The following SNED1 variants were observed in gnomAD, a reference collection of about 807,000 sequenced individuals.
SNED1 encodes the protein sushi, nidogen and EGF like domains 1.
Under a neutral mutation model 166.7 loss-of-function variants are expected in SNED1, and 81 were observed. The observed-to-expected ratio is 0.49, with a 90% confidence interval of 0.41 to 0.58. SNED1 has a LOEUF of 0.58. SNED1 is among the 20% of genes least tolerant of loss of function. The pLI is 0.00. For missense variants in SNED1, 1,604 were observed against 2,000.2 expected, an observed-to-expected ratio of 0.80 and a Z score of 3.78; for synonymous variants, 762 against 822.0, an observed-to-expected ratio of 0.93 and a Z score of 1.25.
At chr2:241,070,327 TAGC>T (rs1000703189) in intron 24 of SNED1, 126 bp downstream of exon 24, 1 of 1,022,014 alleles carries the variant, frequency 9.8e-7, no homozygotes, top group African/African-American at 1.6e-5. Context: ...AGGACCGTGT[TAGC>T]AGGGGAGGAG....
chr2:241,025,661 G>A (rs2060937686), intron 1 of SNED1, among the ~76,000 whole-genome samples: 1 of 152,064 alleles, frequency 6.6e-6, no homozygotes, highest in Admixed American at 6.5e-5. Flanking sequence ...CTCTTTTAGT[G>A]TGGGTCTGCT....
chr2:241,037,226 G>T lies in SNED1; in HGVS notation c.932-14G>T. On this transcript the variant is annotated splice_polypyrimidine_tract_variant and intron_variant, in intron 5 of 31. Coordinates refer to ENST00000310397, the MANE Select transcript of SNED1 (RefSeq NM_001080437.3). ...GTTCCCGCCGCTGAGGCCTCAGCCT[G>T]CCCCATGTTTCAGACGTGAACGAAT... 3.1e-6 allele frequency: 5 copies of T among 1,595,320 alleles called. No homozygotes were observed. The highest frequency in any genetic ancestry group is 4.3e-6 in the Non-Finnish European group (5 of 1,168,868).
At chr2:241,072,689 G>C (rs2062792392) in intron 26 of SNED1, 1 of 202,502 alleles carries the variant, frequency 4.9e-6, no homozygotes, top group Admixed American at 5.3e-5. Flanking sequence ...GGTGTCTGAG[G>C]AGAGGGCAGG....
At chr2:241,057,380 A>AATAAATATATATATATATAT in intron 16 of SNED1, among the ~76,000 whole-genome samples, 1 of 118,114 alleles carries the variant, frequency 8.5e-6, no homozygotes, top group East Asian at 2.9e-4. Context: ...TCCATCTCAA[A>AATAAATATATATATATATAT]ATATATATAT....
chr2:241,080,529 C>T (rs2063279640), intron 27 of SNED1, among the ~76,000 whole-genome samples: 1 of 152,070 alleles, frequency 6.6e-6, no homozygotes, highest in Admixed American at 6.6e-5. Context: ...AAGACTGAAG[C>T]AGGATGTGGA....
intron 1 of SNED1, among the ~76,000 whole-genome samples, chr2:241,006,817 G>T (rs183533288): frequency 1.3e-3 from 198 of 152,270 alleles, no homozygotes; most frequent in African/African-American, 4.3e-3. Context: ...AAGAACCAGG[G>T]TGCCTTGGAG....
chr2:241,088,541 TAC>T (rs1450175097), intron 31 of SNED1, 139 bp downstream of exon 31: 10 of 713,892 alleles, frequency 1.4e-5, no homozygotes, highest in Non-Finnish European at 2.5e-5. Flanking sequence ...GCTGCTGTGT[TAC>T]AGACTCCCGG....
chr2:241,004,653 G>A (rs1204567801), intron 1 of SNED1, among the ~76,000 whole-genome samples: 1 of 151,840 alleles, frequency 6.6e-6, no homozygotes, highest in Non-Finnish European at 1.5e-5. Flanking sequence ...TTTCCTTCTG[G>A]CCCTCATGCT....
chr2:241,039,114 C>T (rs140111473), intron 6 of SNED1, among the ~76,000 whole-genome samples: 1 of 152,192 alleles, frequency 6.6e-6, no homozygotes, highest in Non-Finnish European at 1.5e-5. Flanking sequence ...CTCGACCCCC[C>T]ACAGGGGCTC....
chr2:241,069,058 G>A lies in SNED1; in HGVS notation c.3307+35G>A. On this transcript the variant is annotated intron_variant, in intron 23 of 31. Coordinates refer to ENST00000310397, the MANE Select transcript of SNED1 (RefSeq NM_001080437.3). The surrounding 1 kb of genome is among the most constrained non-coding windows in gnomAD (Gnocchi z 4.9). ...GCAGCGCGGCCCCCGGCACACGAAA[G>A]GCCGTCTTCTAGAAGCTCTGGCTTC... The A allele has an allele frequency of 1.4e-6, 2 of 1,426,434 alleles. No homozygotes were observed. The highest frequency in any genetic ancestry group is 1.4e-5 in the African/African-American group (1 of 70,508). 88.4% of individuals were successfully genotyped at this position (1,426,434 alleles called of 1,614,324 possible). A position where few individuals can be genotyped will look rare whatever the true frequency, so the allele number is the denominator to read the frequency against.
chr2:241,040,340 C>T lies in SNED1; in HGVS notation c.1200C>T (p.Gly400=). 6.2e-7 allele frequency: 1 copy of T among 1,609,630 alleles called. No homozygotes were observed. The highest frequency in any genetic ancestry group is 8.5e-7 in the Non-Finnish European group (1 of 1,178,100). ...GCCCTGACCCCTGCCTGAATGGAGGCTCTTGTGTTGACCTAGTGGGGAATT... is the reference window on the plus strand; with the variant it reads ...GCCCTGACCCCTGCCTGAATGGAGGTTCTTGTGTTGACCTAGTGGGGAATT... ...DCSPDPCLNG[G]SCVDLVGNYT... Residue 400 remains glycine, a synonymous_variant, in exon 8 of 32, where the codon GGC becomes GGT. Coordinates refer to ENST00000310397, the MANE Select transcript of SNED1 (RefSeq NM_001080437.3).
chr2:241,036,960 G>T, intron 5 of SNED1, 45 bp downstream of exon 5: 1 of 1,573,234 alleles, frequency 6.4e-7, no homozygotes. Flanking sequence ...GCTGCGCTGG[G>T]CTCAGGAGGA....
chr2:241,030,800 A>G (rs1407369214), intron 2 of SNED1, among the ~76,000 whole-genome samples: 3 of 152,220 alleles, frequency 2.0e-5, no homozygotes, highest in Non-Finnish European at 2.9e-5. Context: ...AATTCCCCAA[A>G]GCAGCAGCTC....
At chr2:241,014,795 G>A (rs2060527243) in intron 1 of SNED1, among the ~76,000 whole-genome samples, 1 of 152,126 alleles carries the variant, frequency 6.6e-6, no homozygotes, top group African/African-American at 2.4e-5. Flanking sequence ...GTTTCATTTT[G>A]TCCTTCACAC....
chr2:241,023,243 C>G (rs769127821), intron 1 of SNED1, among the ~76,000 whole-genome samples: 2 of 152,150 alleles, frequency 1.3e-5, no homozygotes, highest in South Asian at 2.1e-4. Context: ...TGAAGTTCTG[C>G]TTTCTTCACA....
intron 1 of SNED1, among the ~76,000 whole-genome samples, chr2:241,012,786 A>C (rs1002142211): frequency 2.6e-5 from 4 of 151,936 alleles, no homozygotes; most frequent in Admixed American, 1.3e-4. Flanking sequence ...CTCTCTTAGC[A>C]AATTTCAATT....
At chr2:241,083,125 C>A (rs567082106) in intron 29 of SNED1, among the ~76,000 whole-genome samples, 2 of 152,102 alleles carry the variant, frequency 1.3e-5, no homozygotes, top group African/African-American at 4.8e-5. Flanking sequence ...GGAAAAAGGA[C>A]GAGATGACAG....
intron 9 of SNED1, 86 bp downstream of exon 9, chr2:241,048,526 C>G: frequency 6.6e-7 from 1 of 1,511,152 alleles, no homozygotes; most frequent in Non-Finnish European, 8.9e-7. Context: ...GCAGGAAACG[C>G]CCCGAAAAGA....
At chr2:241,017,618 C>A (rs1386445393) in intron 1 of SNED1, among the ~76,000 whole-genome samples, 1 of 152,258 alleles carries the variant, frequency 6.6e-6, no homozygotes, top group Non-Finnish European at 1.5e-5. Flanking sequence ...TCCTCAGCCC[C>A]ACACATTCTT....
Sources: allele counts gnomAD v4.1 joint callset (sites outside exome capture counted in the v4.1 genomes callset), GRCh38; gene constraint gnomAD v4.1.1; non-coding constraint Gnocchi (gnomAD v3.1); transcripts MANE v1.5; gene names NCBI Gene and HGNC (gene_info 2026-07-23, HGNC 2026-07-21).